The following IPCEF1 variants were observed in gnomAD, a reference collection of about 807,000 sequenced individuals.
IPCEF1 encodes the protein interactor protein for cytohesin exchange factors 1.
IPCEF1 carries 31 observed loss-of-function variants against 50.9 expected under a neutral mutation model. The observed-to-expected ratio is 0.61, with a 90% CI of 0.46 to 0.82. The LOEUF (loss-of-function observed/expected upper bound fraction) is 0.82. Among genes scored for constraint, IPCEF1 ranks in the 40% least tolerant of loss-of-function variants. The pLI is 0.00. For synonymous variants in IPCEF1, 181 were observed against 192.0 expected (o/e 0.94, Z 0.47); for missense variants, 458 against 514.0 (o/e 0.89, Z 1.05).
intron 11 of IPCEF1, among the ~76,000 whole-genome samples, chr6:154,162,729 C>A (rs1799124040): frequency 1.3e-5 from 2 of 152,222 alleles, no homozygotes; most frequent in South Asian, 4.1e-4. Context: ...TTGGTAATCA[C>A]AAGAAATCTC....
At chr6:154,267,638 G>A (rs2128656174) in intron 2 of IPCEF1, among the ~76,000 whole-genome samples, 1 of 152,334 alleles carries the variant, frequency 6.6e-6, no homozygotes, top group Admixed American at 6.5e-5. Flanking sequence ...GAACAGCTCA[G>A]AGAAGACCCA....
chr6:154,216,803 G>A (rs9383695), intron 7 of IPCEF1: 36,541 of 152,250 alleles, frequency 0.24, 4,530 homozygotes, highest in African/African-American at 0.31. Flanking sequence ...AGGAGGCAGA[G>A]GTTGCAGTGA....
chr6:154,214,344 G>A, intron 7 of IPCEF1, 68 bp from the exon 8 acceptor site: 1 of 1,054,124 alleles, frequency 9.5e-7, no homozygotes, highest in Non-Finnish European at 1.5e-6. Flanking sequence ...CCTTCCCCCA[G>A]AGTTTGTTAT....
chr6:154,244,455 C>A lies in IPCEF1; in HGVS notation c.246+2136G>T, dbSNP rs77805524. Among the ~76,000 whole-genome samples the A allele has an allele frequency of 5.7e-3, 875 of 152,236 alleles. 9 individuals carry two copies. The highest frequency in any genetic ancestry group is 0.02 in the African/African-American group (839 of 41,542). On this transcript the variant is annotated intron_variant, in intron 5 of 11. Transcript: ENST00000367220. ...GATAGCGGCAAGCTTATTCTCCATTCAATGCTGCTAATCTAACTGTATTCA... is the reference window on the plus strand; with the variant it reads ...GATAGCGGCAAGCTTATTCTCCATTAAATGCTGCTAATCTAACTGTATTCA...
intron 5 of IPCEF1, among the ~76,000 whole-genome samples, chr6:154,237,032 A>T (rs73567181): frequency 1.3e-3 from 203 of 152,352 alleles, no homozygotes; most frequent in African/African-American, 4.8e-3. Flanking sequence ...TTCTTGAAAC[A>T]TGCTCTATGG....
intron 3 of IPCEF1, among the ~76,000 whole-genome samples, chr6:154,248,307 G>A (rs1781217693): frequency 3.7e-5 from 1 of 27,018 alleles, no homozygotes; most frequent in Admixed American, 2.2e-4. Flanking sequence ...TTTAAAATAC[G>A]TGTGTGTGTG....
chr6:154,247,249 C>T (rs1310123700), intron 4 of IPCEF1, 200 bp downstream of exon 4: 1 of 555,062 alleles, frequency 1.8e-6, no homozygotes, highest in Non-Finnish European at 3.2e-6. Flanking sequence ...TTTGACATAC[C>T]ACGAGGGATT....
chr6:154,353,293 C>CTTTTTTTTT (rs914097422), intron 1 of IPCEF1, among the ~76,000 whole-genome samples: 28 of 127,858 alleles, frequency 2.2e-4, no homozygotes, highest in Non-Finnish European at 3.8e-4. Flanking sequence ...TTTCCTTTTC[C>CTTTTTTTTT]TTTTTTTTTT....
intron 10 of IPCEF1, among the ~76,000 whole-genome samples, chr6:154,183,741 A>C (rs1801094624): frequency 6.6e-6 from 1 of 152,078 alleles, no homozygotes; most frequent in Admixed American, 6.6e-5. Flanking sequence ...TGTACCAAAA[A>C]TACAAAAATT....
intron 5 of IPCEF1, 38 bp downstream of exon 5, chr6:154,246,553 T>C (rs750140444): frequency 1.9e-6 from 3 of 1,579,774 alleles, no homozygotes; most frequent in Admixed American, 3.6e-5. Flanking sequence ...TATCCCTCAT[T>C]AAAACGGCTG....
At chr6:154,351,555 C>A (rs1784119851) in intron 1 of IPCEF1, among the ~76,000 whole-genome samples, 1 of 152,238 alleles carries the variant, frequency 6.6e-6, no homozygotes, top group Non-Finnish European at 1.5e-5. Context: ...CAAATCTGCT[C>A]TGCTCAGACT....
At chr6:154,271,044 T>C (rs2128658018) in intron 2 of IPCEF1, among the ~76,000 whole-genome samples, 2 of 152,110 alleles carry the variant, frequency 1.3e-5, no homozygotes, top group Middle Eastern at 6.8e-3. Context: ...GAATTATCAA[T>C]AAAATATTTT....
chr6:154,214,184 T>C, intron 8 of IPCEF1, 34 bp downstream of exon 8: 2 of 1,369,836 alleles, frequency 1.5e-6, no homozygotes, highest in Non-Finnish European at 2.1e-6. Context: ...CTAATATTCT[T>C]GCTAAATTTT....
chr6:154,300,059 T>G (rs537395365), intron 1 of IPCEF1, among the ~76,000 whole-genome samples: 2 of 141,102 alleles, frequency 1.4e-5, no homozygotes, highest in East Asian at 4.0e-4. Context: ...GCCCCATGCA[T>G]GGAGGAAGCA....
chr6:154,223,328 T>C (rs1159577958), intron 5 of IPCEF1, 85 bp from the exon 6 acceptor site: 3 of 1,034,002 alleles, frequency 2.9e-6, no homozygotes, highest in Non-Finnish European at 4.4e-6. Flanking sequence ...GGAATAGGGA[T>C]GGTATAAATG....
intron 5 of IPCEF1, among the ~76,000 whole-genome samples, chr6:154,239,025 ACT>A (rs1213343678): frequency 6.6e-6 from 1 of 152,040 alleles, no homozygotes; most frequent in East Asian, 1.9e-4. Context: ...TGGGCATTTC[ACT>A]GCTGTGAGCT....
chr6:154,267,802 C>T lies in IPCEF1; in HGVS notation c.-17-1838G>A, dbSNP rs117454253. On this transcript the variant is annotated intron_variant, in intron 2 of 11. Transcript: ENST00000367220. ...AGAGAGGAGGCCCTGGAATGGGTTG[C>T]TCCTCCTTGCAGGTGGTAGTCCCAA... Among the ~76,000 whole-genome samples the T allele has an allele frequency of 7.1e-3, 1,076 of 152,292 alleles. 4 individuals carry two copies. The highest frequency in any genetic ancestry group is 0.012 in the Non-Finnish European group (794 of 68,010).
chr6:154,166,314 G>T (rs544954873), intron 11 of IPCEF1, among the ~76,000 whole-genome samples: 1 of 152,208 alleles, frequency 6.6e-6, no homozygotes, highest in Non-Finnish European at 1.5e-5. Flanking sequence ...GCATGGTGCC[G>T]TAAAGATCTA....
intron 2 of IPCEF1, among the ~76,000 whole-genome samples, chr6:154,266,349 C>A (rs1379952948): frequency 2.0e-5 from 3 of 151,898 alleles, no homozygotes; most frequent in Non-Finnish European, 4.4e-5. Context: ...GGCACCACTG[C>A]ACTCCAGCCT....
Sources: allele counts gnomAD v4.1 joint callset (sites outside exome capture counted in the v4.1 genomes callset), GRCh38; gene constraint gnomAD v4.1.1; transcripts MANE v1.5; gene names NCBI Gene and HGNC (gene_info 2026-07-23, HGNC 2026-07-21).